Variants in UBR3 observed in about 807,000 individuals in gnomAD.
UBR3 encodes E3 ubiquitin-protein ligase UBR3.
In UBR3, 85 loss-of-function variants were observed where a neutral mutation model predicts 243.2. The observed-to-expected ratio is 0.35, with a 90% CI of 0.29 to 0.42. UBR3 has a LOEUF of 0.42. UBR3 is among the 10% of genes least tolerant of loss of function. UBR3 has a pLI of 1.00. For missense variants in UBR3, 1,686 were observed against 2,300.8 expected (o/e 0.73, Z 5.47); for synonymous variants, 748 against 799.8 (o/e 0.94, Z 1.09).
Position 170,061,134 on chromosome 2 carries a change from A to T in UBR3, c.4841A>T (p.Glu1614Val). 1 of 1,601,108 alleles carries T rather than the reference A, an allele frequency of 6.2e-7. No homozygotes were observed. The highest frequency in any genetic ancestry group is 8.5e-7 in the Non-Finnish European group (1 of 1,176,584). ...YEVLLSFVIS[E>V]LFKGKLYHEE... ...GTATTACTGAGCTTTGTGATAAGTGAACTATTTAAAGGAAAGTTATACCAT... is the reference window on the plus strand; with the variant it reads ...GTATTACTGAGCTTTGTGATAAGTGTACTATTTAAAGGAAAGTTATACCAT... Residue 1614 changes from glutamate to valine, a missense_variant, in exon 34 of 39, where the codon GAA becomes GTA. Coordinates refer to ENST00000272793, the MANE Select transcript of UBR3 (RefSeq NM_172070.4).
At chr2:169,967,771 G>A (rs1176387667) in intron 24 of UBR3, among the ~76,000 whole-genome samples, 1 of 152,018 alleles carries the variant, frequency 6.6e-6, no homozygotes, top group Non-Finnish European at 1.5e-5. Flanking sequence ...TTTGTGATTT[G>A]TCCTTTTATT....
chr2:170,019,684 C>CA (rs968751549), intron 30 of UBR3, among the ~76,000 whole-genome samples: 10 of 150,926 alleles, frequency 6.6e-5, no homozygotes, highest in Middle Eastern at 3.4e-3. Flanking sequence ...GATACTGTCT[C>CA]AAAAAAAAAT....
intron 32 of UBR3, among the ~76,000 whole-genome samples, chr2:170,046,437 A>T (rs13000395): frequency 6.6e-6 from 1 of 151,894 alleles, no homozygotes; most frequent in Non-Finnish European, 1.5e-5. Flanking sequence ...AGAACTTACC[A>T]TAGTCTCTAT....
chr2:169,887,900 C>T lies in UBR3; in HGVS notation c.1039-3265C>T, dbSNP rs372109983. The stretch of plus-strand genomic sequence containing the variant: ...CAACCTATTCTCCTGCCTTAGCCTC[C>T]CGAGTAGCTGGGATCACAGGCATGT... On this transcript the variant is annotated intron_variant, in intron 5 of 38. Transcript: ENST00000272793. 2.6e-5 allele frequency among the ~76,000 whole-genome samples: 4 copies of T among 151,414 alleles called. No individual in the cohort carries two copies. In the East Asian group the frequency reaches 7.8e-4, roughly 30 times the overall value.
chr2:170,002,416 C>T (rs2089745182), intron 27 of UBR3, among the ~76,000 whole-genome samples: 1 of 152,170 alleles, frequency 6.6e-6, no homozygotes. Context: ...CTATTCCAAA[C>T]CTTTGCCTCC....
intron 1 of UBR3, among the ~76,000 whole-genome samples, chr2:169,863,743 G>T (rs2083164005): frequency 6.6e-6 from 1 of 152,144 alleles, no homozygotes; most frequent in Non-Finnish European, 1.5e-5. Context: ...TTGACTTACT[G>T]GTTCTACCTG....
chr2:169,925,527 C>T (rs1461958), intron 13 of UBR3, 92 bp from the exon 14 acceptor site: 1,174,173 of 1,180,282 alleles, frequency 0.99, 584,265 homozygotes, highest in East Asian at 1. Context: ...ATACTATGAT[C>T]ACATCATTAA....
At chr2:169,865,981 C>T (rs1025557060) in intron 1 of UBR3, among the ~76,000 whole-genome samples, 1 of 151,868 alleles carries the variant, frequency 6.6e-6, no homozygotes, top group East Asian at 1.9e-4. Flanking sequence ...GAAACCCCAT[C>T]TCTACTAAAA....
intron 5 of UBR3, among the ~76,000 whole-genome samples, chr2:169,882,150 GTA>G (rs1300179753): frequency 2.3e-4 from 28 of 124,444 alleles, no homozygotes; most frequent in African/African-American, 8.5e-4. Flanking sequence ...TATTATATAT[GTA>G]TATATATTTA....
rs1026093629 is a variant in UBR3 at position 169,895,081 on chromosome 2, T to G, written c.1106-100T>G. The G allele has an allele frequency of 4.2e-6, 5 of 1,193,630 alleles. No homozygotes were observed. In the African/African-American group the frequency reaches 7.9e-5, roughly 19 times the overall value. 73.9% of individuals were successfully genotyped at this position (1,193,630 alleles called of 1,614,324 possible). A position where few individuals can be genotyped will look rare whatever the true frequency, so the allele number is the denominator to read the frequency against. ...GCATTATTGTAAGGATATTTTTAAC[T>G]TTTAGATACTTTCCCATTTTATGGT... On this transcript the variant is annotated intron_variant, in intron 6 of 38. Coordinates refer to ENST00000272793, the MANE Select transcript of UBR3 (RefSeq NM_172070.4).
intron 1 of UBR3, among the ~76,000 whole-genome samples, chr2:169,843,505 A>G (rs892450050): frequency 1.3e-5 from 2 of 152,216 alleles, no homozygotes; most frequent in African/African-American, 4.8e-5. Flanking sequence ...CTGCCTCTTA[A>G]TACCACCACA....
At chr2:169,920,858 T>C (rs974424711) in intron 11 of UBR3, among the ~76,000 whole-genome samples, 2 of 151,480 alleles carry the variant, frequency 1.3e-5, no homozygotes, top group Admixed American at 1.3e-4. Flanking sequence ...TGGCAGAGAG[T>C]GGGAGAGGGA....
chr2:169,937,462 G>A (rs937469971), intron 19 of UBR3, among the ~76,000 whole-genome samples: 1 of 152,168 alleles, frequency 6.6e-6, no homozygotes, highest in Admixed American at 6.5e-5. Context: ...TAAGTTGCCT[G>A]TTCACTCTGA....
intron 1 of UBR3, among the ~76,000 whole-genome samples, chr2:169,835,145 T>C (rs1375870026): frequency 6.6e-6 from 1 of 152,032 alleles, no homozygotes; most frequent in African/African-American, 2.4e-5. Flanking sequence ...ACTAAAACTG[T>C]ACACTTAAGA....
chr2:169,931,210 G>T (rs931228798), intron 18 of UBR3, among the ~76,000 whole-genome samples: 2 of 151,856 alleles, frequency 1.3e-5, no homozygotes, highest in South Asian at 2.1e-4. Context: ...AATTAGCCGG[G>T]CTTGGTGGCG....
chr2:169,938,098 C>T (rs908933793), intron 19 of UBR3, among the ~76,000 whole-genome samples: 3 of 152,128 alleles, frequency 2.0e-5, no homozygotes, highest in Non-Finnish European at 2.9e-5. Flanking sequence ...AGTTTTCATC[C>T]GATCCTCCTT....
In UBR3 at chr2:169,858,548, C is replaced by T. The variant is rs74263921; in HGVS notation, c.546-13688C>T. On this transcript the variant is annotated intron_variant, in intron 1 of 38. Coordinates refer to ENST00000272793, the MANE Select transcript of UBR3 (RefSeq NM_172070.4). ...CTGTGTGTTAAGAATTCTAGATTTTCGATGTTCTTTGTATATTACTTTTCA... is the reference window on the plus strand; with the variant it reads ...CTGTGTGTTAAGAATTCTAGATTTTTGATGTTCTTTGTATATTACTTTTCA... Among the ~76,000 whole-genome samples, 6 of 151,648 alleles carry T rather than the reference C, an allele frequency of 4.0e-5. No homozygotes were observed. In the East Asian group the frequency reaches 5.8e-4, roughly 15 times the overall value.
chr2:170,034,060 A>G (rs1232141923), intron 31 of UBR3, among the ~76,000 whole-genome samples: 2 of 151,266 alleles, frequency 1.3e-5, no homozygotes, highest in Non-Finnish European at 3.0e-5. Flanking sequence ...CAAAATTAAG[A>G]GGAAGATACA....
chr2:169,966,027 C>G (rs1306532799), intron 24 of UBR3, among the ~76,000 whole-genome samples: 3 of 152,144 alleles, frequency 2.0e-5, no homozygotes, highest in Non-Finnish European at 4.4e-5. Flanking sequence ...AAACTTTTCT[C>G]TCTGAATGCA....
Sources: gnomAD v4.1 joint callset for allele counts (sites outside exome capture counted in the v4.1 genomes callset) on GRCh38, gnomAD v4.1.1 for gene constraint, MANE v1.5 for transcripts, NCBI Gene and HGNC (gene_info 2026-07-23, HGNC 2026-07-21) for gene names.